The following PRH1 variants were observed in gnomAD, a reference collection of about 807,000 sequenced individuals.
The protein encoded by PRH1 is salivary acidic proline-rich phosphoprotein 1/2.
PRH1 carries 7 observed loss-of-function variants against 7.9 expected under a neutral mutation model. The ratio of observed to expected loss-of-function variants is 0.89; its 90% CI spans 0.50 to 1.67. The LOEUF (loss-of-function observed/expected upper bound fraction) is 1.67. PRH1 is among the 40% of genes most tolerant of loss of function. PRH1 has a pLI of 0.00. For synonymous variants in PRH1, 45 were observed against 80.8 expected (o/e 0.56, Z 2.38); for missense variants, 109 against 223.6 (o/e 0.49, Z 3.27).
chr12:11,013,385 T>C (rs1868762), intron 1 of PRH1, among the ~76,000 whole-genome samples: 46,331 of 152,046 alleles, frequency 0.3, 8,931 homozygotes, highest in East Asian at 0.74. Context: ...ACTGAGAACA[T>C]TGAATATCCA....
At chr12:10,924,188 C>T (rs1186888549) in intron 2 of PRH1, among the ~76,000 whole-genome samples, 2 of 151,946 alleles carry the variant, frequency 1.3e-5, no homozygotes, top group Non-Finnish European at 2.9e-5. Context: ...GGGGTTTCAC[C>T]GTGTTAGCCA....
At chr12:11,131,192 T>TCC (rs1251460942) in intron 1 of PRH1, among the ~76,000 whole-genome samples, 5 of 152,110 alleles carry the variant, frequency 3.3e-5, no homozygotes, top group Admixed American at 2.0e-4. Flanking sequence ...TTCTCCCTCC[T>TCC]CTCTCTCTCT....
intron 1 of PRH1, among the ~76,000 whole-genome samples, chr12:11,036,493 G>T (rs753835698): frequency 6.6e-6 from 1 of 152,136 alleles, no homozygotes; most frequent in Non-Finnish European, 1.5e-5. Context: ...CCTAAAATCC[G>T]CTCTTTAGAA....
intron 1 of PRH1, among the ~76,000 whole-genome samples, chr12:11,168,473 G>A (rs1473084169): frequency 1.3e-5 from 2 of 151,728 alleles, no homozygotes; most frequent in Non-Finnish European, 2.9e-5. Context: ...AAAAATTAAA[G>A]AGTTTTTATG....
intron 1 of PRH1, among the ~76,000 whole-genome samples, chr12:11,071,814 A>G (rs1174030743): frequency 1.3e-5 from 2 of 152,164 alleles, no homozygotes; most frequent in Admixed American, 1.3e-4. Context: ...TCTGCTGGAC[A>G]GACCCCTGCA....
chr12:11,062,428 T>G, intron 1 of PRH1: 1 of 1,227,726 alleles, frequency 8.1e-7, no homozygotes, highest in Non-Finnish European at 1.1e-6. Flanking sequence ...TACTTTTAAT[T>G]GCTGTGACCA....
At chr12:11,108,724 A>G (rs1057167985) in intron 1 of PRH1, among the ~76,000 whole-genome samples, 4 of 152,174 alleles carry the variant, frequency 2.6e-5, no homozygotes, top group Non-Finnish European at 4.4e-5. Context: ...ATGGGTCTCA[A>G]GCATAAAACT....
intron 1 of PRH1, among the ~76,000 whole-genome samples, chr12:11,073,985 C>T (rs1350245720): frequency 6.7e-6 from 1 of 148,714 alleles, no homozygotes; most frequent in Non-Finnish European, 1.5e-5. Context: ...AAGGCATCTG[C>T]TTATAAAACC....
Position 11,086,112 on chromosome 12 carries a change from C to CACA in PRH1, n.124-38925_124-38924insTGT, listed in dbSNP as rs147782926. Among the ~76,000 whole-genome samples, 29 of 86,406 alleles carry CACA rather than the reference C, an allele frequency of 3.4e-4. No individual in the cohort carries two copies. In the East Asian group the frequency reaches 6.1e-3, roughly 18 times the overall value. 56.7% of individuals were successfully genotyped at this position (86,406 alleles called of 152,430 possible). ...CATTAACATAAACACATTCCCCCCC[C>CACA]CACACACACACCCCTCATGGTTGAG... On this transcript the variant is annotated intron_variant and non_coding_transcript_variant, in intron 1 of 4. Transcript: ENST00000541977.
chr12:11,121,691 T>C (rs1321562069), intron 1 of PRH1, among the ~76,000 whole-genome samples: 1 of 151,890 alleles, frequency 6.6e-6, no homozygotes, highest in Non-Finnish European at 1.5e-5. Flanking sequence ...GTTTTTGGTA[T>C]ACATATACAA....
At chr12:11,120,219 GAA>G (rs998153735), downstream of PRH1, among the ~76,000 whole-genome samples, 1 of 152,150 alleles carries the variant, frequency 6.6e-6, no homozygotes, top group Non-Finnish European at 1.5e-5. Flanking sequence ...GGGTTTTCAA[GAA>G]AAGAGTATCT....
chr12:10,903,734 AACT>A (rs1949756724), intron 2 of PRH1, among the ~76,000 whole-genome samples: 1 of 151,810 alleles, frequency 6.6e-6, no homozygotes, highest in Non-Finnish European at 1.5e-5. Context: ...GCCATAGTCA[AACT>A]ATATCTCTTT....
At chr12:11,128,965 C>T (rs1342975655) in intron 1 of PRH1, among the ~76,000 whole-genome samples, 4 of 152,064 alleles carry the variant, frequency 2.6e-5, no homozygotes, top group Non-Finnish European at 5.9e-5. Context: ...CTCTGTTACC[C>T]AAGCTGGAGT....
intron 1 of PRH1, among the ~76,000 whole-genome samples, chr12:11,042,022 A>T (rs1942727011): frequency 1.0e-5 from 1 of 95,902 alleles, no homozygotes; most frequent in South Asian, 2.3e-4. Context: ...TACATCAGAA[A>T]AGAAGAAAAA....
chr12:11,039,531 CT>C (rs746875924), intron 1 of PRH1, among the ~76,000 whole-genome samples: 1,284 of 150,758 alleles, frequency 8.5e-3, no homozygotes, highest in Non-Finnish European at 0.011. Context: ...CAATTTTTTC[CT>C]TGTTTAAACT....
chr12:10,949,552 T>C (rs1473679128), intron 2 of PRH1, among the ~76,000 whole-genome samples: 1 of 152,240 alleles, frequency 6.6e-6, no homozygotes. Flanking sequence ...ACTACCATAA[T>C]GCACTATGCT....
chr12:10,993,781 G>A (rs1286683900), intron 1 of PRH1, among the ~76,000 whole-genome samples: 1 of 150,538 alleles, frequency 6.6e-6, no homozygotes, highest in African/African-American at 2.4e-5. Context: ...TGTGCTCATT[G>A]TGACAGATAA....
chr12:11,015,214 A>C (rs1449102035), intron 1 of PRH1, among the ~76,000 whole-genome samples: 1 of 152,286 alleles, frequency 6.6e-6, no homozygotes, highest in African/African-American at 2.4e-5. Flanking sequence ...TGAGCAGCCC[A>C]CCCTAAGGGG....
intron 1 of PRH1, among the ~76,000 whole-genome samples, chr12:11,104,674 G>A (rs933866947): frequency 6.6e-6 from 1 of 152,080 alleles, no homozygotes; most frequent in Admixed American, 6.6e-5. Context: ...TATGTATTCT[G>A]ATAAGAGTGT....
Sources: allele counts gnomAD v4.1 joint callset (sites outside exome capture counted in the v4.1 genomes callset), GRCh38; gene constraint gnomAD v4.1.1; transcripts MANE v1.5; gene names NCBI Gene and HGNC (gene_info 2026-07-23, HGNC 2026-07-21).